The following CACYBP variants were observed in gnomAD, a reference collection of about 807,000 sequenced individuals.
CACYBP encodes the protein calcyclin binding protein.
Under a neutral mutation model 29.6 loss-of-function variants are expected in CACYBP, and 11 were observed. The ratio of observed to expected loss-of-function variants is 0.37; its 90% CI spans 0.23 to 0.61. The LOEUF (loss-of-function observed/expected upper bound fraction) is 0.61, where lower values mean the gene tolerates loss of function less well. Among genes scored for constraint, CACYBP ranks in the 20% least tolerant of loss-of-function variants. CACYBP has a pLI of 0.65. For synonymous variants in CACYBP, 73 were observed against 88.3 expected (o/e 0.83, Z 0.97); for missense variants, 163 against 260.7 (o/e 0.63, Z 2.58).
rs1672421931 is a variant in CACYBP, at chr1:174,999,989, C to T, written c.-192C>T. The T allele has an allele frequency of 7.8e-6, 6 of 765,464 alleles. No individual in the cohort carries two copies. The highest frequency in any genetic ancestry group is 1.8e-5 in the South Asian group (1 of 56,922). The allele number at this position is 765,464 out of a possible 1,614,324, so 47.4% of individuals were successfully genotyped here. A position where few individuals can be genotyped will look rare whatever the true frequency, so the allele number is the denominator to read the frequency against. ...CGCGGTGGGCGGTGGCGGCGGCTGC[C>T]TCGCGAAGGTTCGAGATCCGTCGCG... On this transcript the variant is annotated 5_prime_UTR_variant, in exon 1 of 6. Transcript: ENST00000367679.
At chr1:175,007,448 C>T (rs111729828) in intron 4 of CACYBP, among the ~76,000 whole-genome samples, 2 of 152,214 alleles carry the variant, frequency 1.3e-5, no homozygotes, top group African/African-American at 4.8e-5. Context: ...AAAATATTTA[C>T]TATGCGGCCC....
intron 1 of CACYBP, 106 bp downstream of exon 1, chr1:175,000,301 G>A: frequency 6.6e-7 from 1 of 1,509,374 alleles, no homozygotes. Context: ...GCGGCCACCC[G>A]GTCCCGCGCC....
At chr1:175,006,681 A>G in intron 2 of CACYBP, 64 bp from the exon 3 acceptor site, 2 of 795,962 alleles carry the variant, frequency 2.5e-6, no homozygotes, top group East Asian at 5.0e-5. Context: ...AGCCATGTGC[A>G]TTTGCTGTTC....
At chr1:175,004,325 G>A (rs554649602) in intron 1 of CACYBP, among the ~76,000 whole-genome samples, 1 of 152,258 alleles carries the variant, frequency 6.6e-6, no homozygotes, top group Non-Finnish European at 1.5e-5. Flanking sequence ...TTAGGTCGCA[G>A]ACGTTTCTTG....
In CACYBP at chr1:175,006,803, A is replaced by G. The variant is rs758131688; in HGVS notation, c.294A>G (p.Gln98=). ...KIYITLTGVH[Q]VPTENVQVHF... is the part of the protein sequence containing the mutation. ...ACATTACCTTAACTGGAGTTCATCA[A>G]GTTCCCACTGAGAATGTGCAGGTGC... is the stretch of plus-strand genomic sequence containing the variant. The change falls in exon 3 of 6, where the codon CAA becomes CAG. Residue 98 remains glutamine, a synonymous_variant. Coordinates refer to ENST00000367679, the MANE Select transcript of CACYBP (RefSeq NM_014412.3). 1.6e-5 allele frequency: 25 copies of G among 1,602,736 alleles called. No individual in the cohort carries two copies. The South Asian group carries it at 2.4e-4, about 16-fold the overall frequency.
At chr1:175,002,511 A>G (rs1479869828) in intron 1 of CACYBP, among the ~76,000 whole-genome samples, 1 of 152,232 alleles carries the variant, frequency 6.6e-6, no homozygotes, top group Non-Finnish European at 1.5e-5. Flanking sequence ...AAATAGGAAG[A>G]TAAAGCTTGA....
rs1379264841 is a variant in CACYBP, at chr1:175,004,975, CT to C, written c.235+148del. On this transcript the variant is annotated intron_variant, in intron 2 of 5. Transcript: ENST00000367679. ...ACCCATCAGTTTTTATTTAATAAAA[CT>C]TTTTTAAGATATAAATAGGAAAGGA... is the stretch of plus-strand genomic sequence containing the variant. 52 of 701,986 alleles carry C rather than the reference CT, an allele frequency of 7.4e-5. No homozygotes were observed. In the African/African-American group the frequency reaches 8.2e-4, roughly 11 times the overall value. The allele number at this position is 701,986 out of a possible 1,614,324, so 43.5% of individuals were successfully genotyped here.
intron 4 of CACYBP, 92 bp downstream of exon 4, chr1:175,007,289 C>T: frequency 1.3e-6 from 1 of 769,500 alleles, no homozygotes; most frequent in Non-Finnish European, 2.2e-6. Flanking sequence ...ATGAATTTGT[C>T]CTCTGTAACA....
rs1471496737 is a variant in CACYBP, at chr1:175,010,868, C to T, written c.*789C>T. On this transcript the variant is annotated 3_prime_UTR_variant, in exon 6 of 6. Transcript: ENST00000367679. Reference sequence around the variant, plus strand: ...AATCAGGCTTTTAGTAGGAATTACTCCTATTCCCCCTGAAGTCAGGACCAG... The same window carrying T: ...AATCAGGCTTTTAGTAGGAATTACTTCTATTCCCCCTGAAGTCAGGACCAG... The T allele has an allele frequency of 6.6e-6, 1 of 152,042 alleles. No individual in the cohort carries two copies. The highest frequency in any genetic ancestry group is 1.5e-5 in the Non-Finnish European group (1 of 68,024). The allele number at this position is 152,042 out of a possible 1,614,324, so 9.4% of individuals were successfully genotyped here. A position where few individuals can be genotyped will look rare whatever the true frequency, so the allele number is the denominator to read the frequency against.
chr1:175,001,828 G>T (rs764990174), intron 1 of CACYBP, among the ~76,000 whole-genome samples: 1 of 152,112 alleles, frequency 6.6e-6, no homozygotes, highest in African/African-American at 2.4e-5. Flanking sequence ...TGCAATCTCC[G>T]TCTCCCGGGT....
chr1:175,006,957 C>T, intron 3 of CACYBP, 116 bp downstream of exon 3: 1 of 841,564 alleles, frequency 1.2e-6, no homozygotes, highest in Non-Finnish European at 1.9e-6. Context: ...TTATCCTTTA[C>T]AACTACTTTG....
At chr1:175,009,389 TAATCCTA>T (rs1021374905) in intron 5 of CACYBP, among the ~76,000 whole-genome samples, 4 of 152,182 alleles carry the variant, frequency 2.6e-5, no homozygotes, top group African/African-American at 9.7e-5. Flanking sequence ...CTCACGCCTG[TAATCCTA>T]GCACTTTGGG....
intron 5 of CACYBP, among the ~76,000 whole-genome samples, chr1:175,009,668 A>G (rs1672701548): frequency 6.8e-6 from 1 of 146,802 alleles, no homozygotes; most frequent in Non-Finnish European, 1.5e-5. Flanking sequence ...AAAAAAAATC[A>G]TGGGAAATCC....
chr1:175,004,224 TAA>T (rs945669952), intron 1 of CACYBP, among the ~76,000 whole-genome samples: 2 of 152,216 alleles, frequency 1.3e-5, no homozygotes, highest in Non-Finnish European at 2.9e-5. Context: ...TTAAATATTT[TAA>T]AAGTGTCTAA....
intron 1 of CACYBP, among the ~76,000 whole-genome samples, chr1:175,001,187 T>C (rs1672478285): frequency 6.6e-6 from 1 of 152,230 alleles, no homozygotes; most frequent in African/African-American, 2.4e-5. Flanking sequence ...AGGTCTTGGG[T>C]ACTATGTGCC....
chr1:175,007,338 T>G (rs1672645156), intron 4 of CACYBP, 141 bp downstream of exon 4: 1 of 614,414 alleles, frequency 1.6e-6, no homozygotes, highest in Non-Finnish European at 2.9e-6. Context: ...TATTGGGACA[T>G]AGCCAGGCTT....
chr1:175,008,643 A>G lies in CACYBP; in HGVS notation c.467A>G (p.Lys156Arg). 1 of 1,594,254 alleles carries G rather than the reference A, an allele frequency of 6.3e-7. No homozygotes were observed. The highest frequency in any genetic ancestry group is 1.1e-5 in the South Asian group (1 of 90,652). The part of the protein sequence containing the change: ...KTDTVLILCR[K>R]KVENTRWDYL... ...GATACAGTTCTTATATTGTGTAGAA[A>G]GAAAGTGGAAAACACAAGGTGGGAT... Residue 156 changes from lysine to arginine, a missense_variant, in exon 5 of 6, where the codon AAG becomes AGG. By Grantham distance (26) the Lys-to-Arg change is conservative. Coordinates refer to ENST00000367679, the MANE Select transcript of CACYBP (RefSeq NM_014412.3).
intron 1 of CACYBP, among the ~76,000 whole-genome samples, chr1:175,002,605 A>C (rs563777752): frequency 1.1e-4 from 17 of 152,372 alleles, no homozygotes; most frequent in African/African-American, 3.1e-4. Flanking sequence ...GGAAAATTAC[A>C]TGATAAATTA....
intron 1 of CACYBP, 79 bp downstream of exon 1, chr1:175,000,274 G>A (rs1009767852): frequency 1.4e-5 from 22 of 1,543,992 alleles, no homozygotes; most frequent in Middle Eastern, 3.4e-4. Context: ...CGCCGTTTCC[G>A]TGGGCTGAGC....
Sources: allele counts gnomAD v4.1 joint callset (sites outside exome capture counted in the v4.1 genomes callset), GRCh38; gene constraint gnomAD v4.1.1; transcripts MANE v1.5; gene names NCBI Gene and HGNC (gene_info 2026-07-23, HGNC 2026-07-21).